The following MAML2 variants were observed in gnomAD, a reference collection of about 807,000 sequenced individuals.
The protein encoded by MAML2 is mastermind like transcriptional coactivator 2, also known as mastermind-like protein 2.
MAML2 carries 22 observed loss-of-function variants against 96.1 expected under a neutral mutation model. That is an observed-to-expected ratio of 0.23 (90% CI 0.16 to 0.33). The LOEUF (loss-of-function observed/expected upper bound fraction) is 0.33. Ranked by LOEUF, MAML2 falls within the 10% of genes least tolerant of loss-of-function variation. The pLI, the probability that MAML2 is intolerant of heterozygous loss-of-function variation, is 1.00. For missense variants in MAML2, 1,367 were observed against 1,392.4 expected (o/e 0.98, Z 0.29); for synonymous variants, 561 against 521.3 (o/e 1.08, Z -1.04).
At chr11:96,176,564 T>C (rs1316850269) in intron 1 of MAML2, among the ~76,000 whole-genome samples, 2 of 152,128 alleles carry the variant, frequency 1.3e-5, no homozygotes, top group African/African-American at 4.8e-5. Context: ...CTTGCCACTC[T>C]ATGAAACCCT....
chr11:96,157,954 AG>A (rs1172086896), intron 1 of MAML2, among the ~76,000 whole-genome samples: 1 of 152,172 alleles, frequency 6.6e-6, no homozygotes, highest in Non-Finnish European at 1.5e-5. Context: ...CCAAGCTTCA[AG>A]GGGTGGTCTC....
At chr11:96,294,530 G>A (rs956106293) in intron 1 of MAML2, among the ~76,000 whole-genome samples, 3 of 152,152 alleles carry the variant, frequency 2.0e-5, no homozygotes, top group African/African-American at 7.2e-5. Context: ...TTGTTACAAG[G>A]ACTGCAGGAA....
At chr11:96,050,018 T>C (rs1858965685) in intron 2 of MAML2, among the ~76,000 whole-genome samples, 1 of 152,236 alleles carries the variant, frequency 6.6e-6, no homozygotes, top group Non-Finnish European at 1.5e-5. Context: ...ACAGTAAAGC[T>C]ACCATAGATT....
chr11:96,282,884 A>C, intron 1 of MAML2, among the ~76,000 whole-genome samples: 1 of 152,246 alleles, frequency 6.6e-6, no homozygotes, highest in Admixed American at 6.5e-5. Context: ...CTTCAACCTT[A>C]ATGTACACAC....
intron 2 of MAML2, among the ~76,000 whole-genome samples, chr11:96,078,507 T>A (rs567962616): frequency 4.6e-5 from 7 of 152,254 alleles, no homozygotes; most frequent in Non-Finnish European, 7.4e-5. Flanking sequence ...ACACTCAAAA[T>A]CAGAGACGGT....
intron 1 of MAML2, among the ~76,000 whole-genome samples, chr11:96,268,732 G>A (rs780135955): frequency 1.2e-4 from 18 of 152,008 alleles, no homozygotes; most frequent in Admixed American, 2.0e-4. Context: ...TAAGTCTCAC[G>A]AGATCTGATG....
intron 2 of MAML2, among the ~76,000 whole-genome samples, chr11:96,027,903 C>T (rs187003225): frequency 6.1e-4 from 93 of 151,828 alleles, no homozygotes; most frequent in African/African-American, 2.1e-3. Context: ...GGCTCATTTT[C>T]GTATTTTTTG....
At chr11:96,149,946 A>G (rs1346643635) in intron 1 of MAML2, among the ~76,000 whole-genome samples, 3 of 152,056 alleles carry the variant, frequency 2.0e-5, no homozygotes, top group African/African-American at 7.2e-5. Context: ...CTTAACTGTC[A>G]CCTCAATGCA....
Position 96,053,937 on chromosome 11 carries a change from G to A in MAML2, c.2139+37955C>T, listed in dbSNP as rs1405925418. Among the ~76,000 whole-genome samples, 4 of 152,106 alleles carry A rather than the reference G, an allele frequency of 2.6e-5. No homozygotes were observed. In the East Asian group the frequency reaches 7.7e-4, roughly 29 times the overall value. On this transcript the variant is annotated intron_variant, in intron 2 of 4. Coordinates refer to ENST00000524717, the MANE Select transcript of MAML2 (RefSeq NM_032427.4). ...GTATCTGTGACTCAGAAATGGAAAT[G>A]GAGCTGACAACTTGGGTGCCGCCAT...
intron 2 of MAML2, among the ~76,000 whole-genome samples, chr11:96,087,266 T>C (rs919808367): frequency 2.6e-5 from 4 of 152,232 alleles, no homozygotes; most frequent in Admixed American, 2.6e-4. Flanking sequence ...GATTCTTCAA[T>C]ACTAATTATA....
intron 1 of MAML2, among the ~76,000 whole-genome samples, chr11:96,129,542 A>G (rs887362539): frequency 6.6e-6 from 1 of 152,086 alleles, no homozygotes; most frequent in African/African-American, 2.4e-5. Context: ...GCTGAAATCC[A>G]CACAAACTAA....
intron 1 of MAML2, among the ~76,000 whole-genome samples, chr11:96,209,532 C>T (rs879752203): frequency 5.3e-5 from 8 of 151,838 alleles, no homozygotes; most frequent in South Asian, 2.1e-4. Context: ...CGGAGATTGG[C>T]GCCACTGCAC....
At chr11:96,322,737 A>T (rs918803022) in intron 1 of MAML2, among the ~76,000 whole-genome samples, 4 of 152,220 alleles carry the variant, frequency 2.6e-5, no homozygotes, top group Admixed American at 2.0e-4. Context: ...AACAAAATAG[A>T]TAACAAAAGT....
At chr11:96,124,571 T>C (rs1860406414) in intron 1 of MAML2, among the ~76,000 whole-genome samples, 1 of 152,214 alleles carries the variant, frequency 6.6e-6, no homozygotes, top group African/African-American at 2.4e-5. Context: ...ATTGAGTTAA[T>C]CCATGAAAAT....
intron 2 of MAML2, among the ~76,000 whole-genome samples, chr11:96,084,978 C>G: frequency 6.6e-6 from 1 of 152,178 alleles, no homozygotes. Context: ...CTTTCATCAT[C>G]GAGGATCTTG....
chr11:96,179,856 C>T (rs891940600), intron 1 of MAML2, among the ~76,000 whole-genome samples: 3 of 152,306 alleles, frequency 2.0e-5, no homozygotes, highest in Admixed American at 6.5e-5. Flanking sequence ...GAAGAGCCAC[C>T]TTGGTTCAGG....
chr11:96,004,779 A>G (rs1357424938), intron 2 of MAML2, among the ~76,000 whole-genome samples: 1 of 152,208 alleles, frequency 6.6e-6, no homozygotes, highest in Non-Finnish European at 1.5e-5. Flanking sequence ...TATGGCTTGA[A>G]TAAGATCATG....
At chr11:96,235,824 G>A (rs1395916581) in intron 1 of MAML2, among the ~76,000 whole-genome samples, 1 of 152,206 alleles carries the variant, frequency 6.6e-6, no homozygotes, top group East Asian at 1.9e-4. Flanking sequence ...TCAGTACCGA[G>A]TAAAACCCCT....
chr11:96,118,668 G>T (rs1860285338), intron 1 of MAML2, among the ~76,000 whole-genome samples: 1 of 152,122 alleles, frequency 6.6e-6, no homozygotes, highest in African/African-American at 2.4e-5. Flanking sequence ...ATGGAGAGAT[G>T]GATCCACAAT....
Sources: allele counts gnomAD v4.1 joint callset (sites outside exome capture counted in the v4.1 genomes callset), GRCh38; gene constraint gnomAD v4.1.1; transcripts MANE v1.5; gene names NCBI Gene and HGNC (gene_info 2026-07-23, HGNC 2026-07-21).